The following TLCD4 variants were observed in gnomAD, a reference collection of about 807,000 sequenced individuals.
TLCD4 encodes TLC domain containing 4.
A neutral mutation model predicts 24.2 loss-of-function variants in TLCD4; 7 were observed. That is an observed-to-expected ratio of 0.29 (90% CI 0.16 to 0.54). The LOEUF (loss-of-function observed/expected upper bound fraction) is 0.54. Among genes scored for constraint, TLCD4 ranks in the 20% least tolerant of loss-of-function variants. The pLI, the probability that TLCD4 is intolerant of heterozygous loss-of-function variation, is 0.95. For missense variants in TLCD4, 259 were observed against 313.9 expected, an observed-to-expected ratio of 0.82 and a Z score of 1.32; for synonymous variants, 103 against 106.4, an observed-to-expected ratio of 0.97 and a Z score of 0.20.
intron 1 of TLCD4, among the ~76,000 whole-genome samples, chr1:95,142,342 T>C (rs891061103): frequency 6.6e-6 from 1 of 151,104 alleles, no homozygotes; most frequent in Non-Finnish European, 1.5e-5. Context: ...TGCAGGCCTT[T>C]TGCTCCAAGA....
At chr1:95,118,031 TTTGGGCA>T (rs1224951436) in intron 1 of TLCD4, 1 of 152,170 alleles carries the variant, frequency 6.6e-6, no homozygotes, top group African/African-American at 2.4e-5. Flanking sequence ...GGTGCAAACC[TTTGGGCA>T]TCCAGGGAGA....
At chr1:95,175,901 A>G (rs1417032809) in intron 6 of TLCD4, among the ~76,000 whole-genome samples, 2 of 150,868 alleles carry the variant, frequency 1.3e-5, no homozygotes, top group Admixed American at 6.6e-5. Flanking sequence ...TCAGCTTTCT[A>G]AGTAGCTGGG....
At chr1:95,131,845 A>G (rs1676899673) in intron 1 of TLCD4, among the ~76,000 whole-genome samples, 1 of 152,124 alleles carries the variant, frequency 6.6e-6, no homozygotes, top group Non-Finnish European at 1.5e-5. Flanking sequence ...TTCGCAATGT[A>G]TTGATGTTGG....
In TLCD4 at chr1:95,118,655, C is replaced by T. The variant is rs538273287; in HGVS notation, c.-12+1038C>T. 8.5e-5 allele frequency among the ~76,000 whole-genome samples: 13 copies of T among 152,262 alleles called. No homozygotes were observed. In the South Asian group the frequency reaches 2.7e-3, roughly 32 times the overall value. On this transcript the variant is annotated intron_variant, in intron 1 of 6. Coordinates refer to ENST00000370203, the MANE Select transcript of TLCD4 (RefSeq NM_152487.3). ...GGATTGTGGTGTTTTAAGTGAGTTA[C>T]TCCCGTGCCAGCGCATGGTGTCGAT...
chr1:95,149,305 T>A (rs1417358222), intron 3 of TLCD4, among the ~76,000 whole-genome samples: 1 of 152,198 alleles, frequency 6.6e-6, no homozygotes, highest in Non-Finnish European at 1.5e-5. Flanking sequence ...ACATGTAAGA[T>A]GGTCCTTTTA....
At chr1:95,167,108 C>G (rs1293247085) in intron 5 of TLCD4, among the ~76,000 whole-genome samples, 2 of 151,794 alleles carry the variant, frequency 1.3e-5, no homozygotes, top group African/African-American at 2.4e-5. Context: ...CCTGATGGCC[C>G]TCAGTATGCG....
the TLCD4 span, among the ~76,000 whole-genome samples, chr1:95,100,390 C>T: frequency 6.6e-6 from 1 of 152,022 alleles, no homozygotes; most frequent in African/African-American, 2.4e-5. Context: ...GCCTGGCCAA[C>T]ATGGTAAAAC....
intron 5 of TLCD4, among the ~76,000 whole-genome samples, chr1:95,171,011 T>C (rs1678195512): frequency 1.3e-5 from 2 of 152,132 alleles, no homozygotes; most frequent in Admixed American, 6.5e-5. Flanking sequence ...TTCTTTATGC[T>C]GAATAAATTA....
At chr1:95,120,750 G>A (rs144888422) in intron 1 of TLCD4, among the ~76,000 whole-genome samples, 16 of 152,306 alleles carry the variant, frequency 1.1e-4, no homozygotes, top group African/African-American at 3.8e-4. Flanking sequence ...AGTACAAAAT[G>A]CATTTTTACA....
In TLCD4 at chr1:95,193,268, A is replaced by G. The variant is rs575426194; in HGVS notation, c.*1400A>G. 2.6e-5 allele frequency: 4 copies of G among 152,264 alleles called. No homozygotes were observed. In the South Asian group the frequency reaches 6.2e-4, roughly 24 times the overall value. 9.4% of individuals were successfully genotyped at this position (152,264 alleles called of 1,614,324 possible). Reference sequence around the variant, plus strand: ...AAAGGTAATTTAATCCAAGTATTCTATCATCAAAATTATTGTCTGATTATA... The same window carrying G: ...AAAGGTAATTTAATCCAAGTATTCTGTCATCAAAATTATTGTCTGATTATA... On this transcript the variant is annotated 3_prime_UTR_variant, in exon 7 of 7. Coordinates refer to ENST00000370203, the MANE Select transcript of TLCD4 (RefSeq NM_152487.3).
At position 95,158,192 on chromosome 1, in the gene TLCD4, T is replaced by C. The variant is rs1472397486; in HGVS notation, c.399+6773T>C. Among the ~76,000 whole-genome samples, 6 of 147,782 alleles carry C rather than the reference T, an allele frequency of 4.1e-5. 1 individual carries two copies. Among genetic ancestry groups the C allele is most frequent in the African/African-American group, 9.8e-5 (4 of 40,630 alleles). On this transcript the variant is annotated intron_variant, in intron 5 of 6. Coordinates refer to ENST00000370203, the MANE Select transcript of TLCD4 (RefSeq NM_152487.3). ...CCCCTTGATACTTAATTTTTTCTTT[T>C]TTTTTTTTTTTTTGAGACAGAGTCT...
At chr1:95,139,534 C>G (rs80212956) in intron 1 of TLCD4, among the ~76,000 whole-genome samples, 4,613 of 138,844 alleles carry the variant, frequency 0.033, 115 homozygotes, top group East Asian at 0.099. Context: ...TCTTGGCTCA[C>G]TCCAGCCTCC....
At chr1:95,146,242 T>C (rs1359168778) in intron 2 of TLCD4, among the ~76,000 whole-genome samples, 1 of 152,130 alleles carries the variant, frequency 6.6e-6, no homozygotes, top group Non-Finnish European at 1.5e-5. Context: ...GAAATTGTTG[T>C]ACTGAATTGT....
intron 5 of TLCD4, among the ~76,000 whole-genome samples, chr1:95,169,044 G>A (rs906437766): frequency 6.6e-6 from 1 of 152,292 alleles, no homozygotes; most frequent in Non-Finnish European, 1.5e-5. Flanking sequence ...TTTGCTCAGC[G>A]CAGTTTCTGA....
chr1:95,099,867 C>A, the TLCD4 span, among the ~76,000 whole-genome samples: 1 of 151,514 alleles, frequency 6.6e-6, no homozygotes, highest in Non-Finnish European at 1.5e-5. Context: ...TACGGTGGCT[C>A]ACGTCTATAA....
At chr1:95,152,802 C>T (rs1020132209) in intron 5 of TLCD4, among the ~76,000 whole-genome samples, 1 of 152,022 alleles carries the variant, frequency 6.6e-6, no homozygotes, top group Non-Finnish European at 1.5e-5. Context: ...ATCAAATAAA[C>T]CTGACAAGCT....
chr1:95,143,615 T>G (rs1677265519), intron 1 of TLCD4, among the ~76,000 whole-genome samples: 1 of 152,092 alleles, frequency 6.6e-6, no homozygotes, highest in Admixed American at 6.5e-5. Flanking sequence ...CTGTTAATAT[T>G]AAGACTTAGA....
chr1:95,136,148 G>T (rs1402073884), intron 1 of TLCD4, among the ~76,000 whole-genome samples: 2 of 151,910 alleles, frequency 1.3e-5, no homozygotes, highest in Admixed American at 1.3e-4. Flanking sequence ...CACTCTAAGG[G>T]TACTTTGGTA....
chr1:95,113,761 A>T (rs1676381586), upstream of TLCD4, among the ~76,000 whole-genome samples: 1 of 152,224 alleles, frequency 6.6e-6, no homozygotes, highest in Admixed American at 6.5e-5. Context: ...AGATGGCCAG[A>T]ATCTCATCCA....
Sources: allele counts gnomAD v4.1 joint callset (sites outside exome capture counted in the v4.1 genomes callset), GRCh38; gene constraint gnomAD v4.1.1; transcripts MANE v1.5; gene names NCBI Gene and HGNC (gene_info 2026-07-23, HGNC 2026-07-21).